The following PCDHA7 variants were observed in gnomAD, a reference collection of about 807,000 sequenced individuals.
PCDHA7 encodes the protein protocadherin alpha-7.
In PCDHA7, 37 loss-of-function variants were observed where a neutral mutation model predicts 57.2. The ratio of observed to expected loss-of-function variants is 0.65; its 90% CI spans 0.50 to 0.85. The LOEUF is 0.85. PCDHA7 is among the 40% of genes least tolerant of loss of function. The pLI, the probability that PCDHA7 is intolerant of heterozygous loss-of-function variation, is 0.00. For missense variants in PCDHA7, 1,188 were observed against 1,241.8 expected (o/e 0.96, Z 0.65); for synonymous variants, 553 against 558.8 (o/e 0.99, Z 0.15).
intron 1 of PCDHA7, among the ~76,000 whole-genome samples, chr5:140,917,183 A>T (rs2077937210): frequency 6.6e-6 from 1 of 152,132 alleles, no homozygotes; most frequent in African/African-American, 2.4e-5. Flanking sequence ...GTGATCCCAG[A>T]GTGTCTCTCC....
chr5:140,857,290 C>A (rs781985413), intron 1 of PCDHA7: 2 of 1,598,706 alleles, frequency 1.3e-6, no homozygotes, highest in South Asian at 1.1e-5. Flanking sequence ...CTCTGGACCG[C>A]GAGAGGGTGT....
At chr5:140,980,607 C>T (rs1471918192) in intron 2 of PCDHA7, among the ~76,000 whole-genome samples, 5 of 151,334 alleles carry the variant, frequency 3.3e-5, no homozygotes, top group Non-Finnish European at 7.4e-5. Context: ...TCCAGCCTGG[C>T]GACAGTGCGA....
intron 1 of PCDHA7, chr5:140,875,776 T>G: frequency 6.2e-7 from 1 of 1,613,910 alleles, no homozygotes; most frequent in Non-Finnish European, 8.5e-7. Context: ...GAGCGCGGAG[T>G]GCAGTATCCA....
rs782160195 is a variant in PCDHA7, at chr5:140,857,078, G to C, written c.2355+20340G>C. 17 of 1,597,076 alleles carry C rather than the reference G, an allele frequency of 1.1e-5. 2 individuals are homozygous for C. The highest frequency in any genetic ancestry group is 1.5e-5 in the Non-Finnish European group (17 of 1,166,812). On this transcript the variant is annotated intron_variant, in intron 1 of 3. Transcript: ENST00000525929. ...CCTAGTGGAACTACTGGATGAAAATGATAATTCACCTGAGGTGATTGTCAC... is the reference window on the plus strand; with the variant it reads ...CCTAGTGGAACTACTGGATGAAAATCATAATTCACCTGAGGTGATTGTCAC...
intron 1 of PCDHA7, among the ~76,000 whole-genome samples, chr5:140,844,717 G>A (rs1779511876): frequency 6.7e-6 from 1 of 149,352 alleles, no homozygotes. Context: ...TGGCCCATTA[G>A]TTCGTGTAAA....
intron 1 of PCDHA7, chr5:140,926,333 C>G (rs1244364456): frequency 6.6e-6 from 1 of 152,288 alleles, no homozygotes; most frequent in Non-Finnish European, 1.5e-5. Context: ...GGTCAGAGCG[C>G]CGGGACCCGA....
In PCDHA7 at chr5:141,010,151, C is replaced by T. The variant is rs1554262715; in HGVS notation, c.*214C>T. 1 of 1,578,076 alleles carries T rather than the reference C, an allele frequency of 6.3e-7. No homozygotes were observed. Among genetic ancestry groups the T allele is most frequent in the South Asian group, 1.1e-5 (1 of 87,432 alleles). On this transcript the variant is annotated 3_prime_UTR_variant, in exon 4 of 4. Transcript: ENST00000525929. The stretch of plus-strand genomic sequence containing the variant: ...CTGGTGTTAACTCTTTCTCTCCACT[C>T]TGGCTTGTTTTCAGAACCTAAAAAG...
intron 1 of PCDHA7, chr5:140,926,801 C>T: frequency 1.4e-6 from 2 of 1,451,506 alleles, no homozygotes; most frequent in Non-Finnish European, 9.0e-7. Flanking sequence ...GCGTGCTCTT[C>T]CCCGCGGCTC....
chr5:140,925,108 G>GGAAGGAAGGAAGGAAGGAA (rs1554202548), intron 1 of PCDHA7, among the ~76,000 whole-genome samples: 8 of 124,780 alleles, frequency 6.4e-5, no homozygotes, highest in South Asian at 4.6e-4. Context: ...GAAGGAAGGA[G>GGAAGGAAGGAAGGAAGGAA]GGAAGGAAGG....
At chr5:140,983,018 A>T (rs2097022598) in intron 3 of PCDHA7, among the ~76,000 whole-genome samples, 1 of 152,096 alleles carries the variant, frequency 6.6e-6, no homozygotes, top group African/African-American at 2.4e-5. Flanking sequence ...GGAAGGAAGG[A>T]AGGAAGATGG....
chr5:140,926,967 A>G (rs782296182), intron 1 of PCDHA7: 4 of 1,606,666 alleles, frequency 2.5e-6, no homozygotes, highest in Middle Eastern at 1.7e-4. Context: ...TCGAGTACTC[A>G]GTGCCGGAGG....
At chr5:140,947,601 A>G (rs1296948194) in intron 1 of PCDHA7, among the ~76,000 whole-genome samples, 1 of 151,680 alleles carries the variant, frequency 6.6e-6, no homozygotes, top group Non-Finnish European at 1.5e-5. Context: ...TTTAGGGAAG[A>G]TTTGGTATCT....
rs545893416 is a variant in PCDHA7, at chr5:140,934,382, A to G, written c.2356-44567A>G. On this transcript the variant is annotated intron_variant, in intron 1 of 3. Transcript: ENST00000525929. ...CTGCTTTGACTCCTTCTGTGGTTCT[A>G]TGGTGGCCAGCTTTACCCACCAATG... Among the ~76,000 whole-genome samples the G allele has an allele frequency of 2.0e-3, 310 of 152,264 alleles. 8 individuals are homozygous for G. Among genetic ancestry groups the G allele is most frequent in the South Asian group, 3.9e-3 (19 of 4,830 alleles).
chr5:140,975,149 T>A (rs990599895), intron 1 of PCDHA7, among the ~76,000 whole-genome samples: 1 of 152,202 alleles, frequency 6.6e-6, no homozygotes, highest in Non-Finnish European at 1.5e-5. Flanking sequence ...CACTCTCAGT[T>A]CCTAGAGAAC....
At chr5:140,975,938 T>C (rs2096690603) in intron 1 of PCDHA7, among the ~76,000 whole-genome samples, 1 of 152,160 alleles carries the variant, frequency 6.6e-6, no homozygotes, top group Admixed American at 6.5e-5. Context: ...TTTGAAGCAA[T>C]AGGACATATT....
intron 1 of PCDHA7, among the ~76,000 whole-genome samples, chr5:140,962,592 G>C (rs1318639328): frequency 1.3e-5 from 2 of 152,164 alleles, no homozygotes; most frequent in Non-Finnish European, 2.9e-5. Flanking sequence ...ATATTTGACT[G>C]ATATATTTCT....
intron 1 of PCDHA7, among the ~76,000 whole-genome samples, chr5:140,846,373 C>CT (rs2150388509): frequency 0.025 from 1,401 of 55,028 alleles, 84 homozygotes; most frequent in East Asian, 0.045. Context: ...TTCTTTCTTT[C>CT]TTTTTTTTTT....
At chr5:140,868,823 G>T (rs576498570) in intron 1 of PCDHA7, 2 of 397,532 alleles carry the variant, frequency 5.0e-6, no homozygotes, top group East Asian at 8.3e-5. Flanking sequence ...ATATTTGGGG[G>T]AAGAAACCCA....
chr5:140,994,911 A>C (rs527704488), intron 3 of PCDHA7, among the ~76,000 whole-genome samples: 4 of 152,222 alleles, frequency 2.6e-5, no homozygotes, highest in African/African-American at 9.6e-5. Flanking sequence ...TGTAGACTGG[A>C]ATCAGATTTT....
Sources: allele counts gnomAD v4.1 joint callset (sites outside exome capture counted in the v4.1 genomes callset), GRCh38; gene constraint gnomAD v4.1.1; transcripts MANE v1.5; gene names NCBI Gene and HGNC (gene_info 2026-07-23, HGNC 2026-07-21).